Variants in JAZF1 observed in about 807,000 individuals in gnomAD.
JAZF1 encodes the protein JAZF zinc finger 1, also known as juxtaposed with another zinc finger protein 1.
A neutral mutation model predicts 26.4 loss-of-function variants in JAZF1; 8 were observed. That is an observed-to-expected ratio of 0.30 (90% CI 0.18 to 0.55). JAZF1 has a LOEUF of 0.55. JAZF1 is among the 20% of genes least tolerant of loss of function. The probability of loss-of-function intolerance (pLI) is 0.94; values close to 1 mark genes in which losing one functional copy is unlikely to be tolerated. For missense variants in JAZF1, 199 were observed against 322.0 expected (o/e 0.62, Z 2.92); for synonymous variants, 126 against 122.3 (o/e 1.03, Z -0.20).
At chr7:28,122,255 T>C (rs370087596) in intron 1 of JAZF1, among the ~76,000 whole-genome samples, 2 of 152,212 alleles carry the variant, frequency 1.3e-5, no homozygotes, top group Non-Finnish European at 2.9e-5. Flanking sequence ...TCTTCTCTAA[T>C]GCGCTCCCAA....
At chr7:28,035,313 CAAAAAAAAAAAA>C (rs201602870) in intron 1 of JAZF1, among the ~76,000 whole-genome samples, 39 of 27,450 alleles carry the variant, frequency 1.4e-3, no homozygotes, top group Admixed American at 5.1e-3. Context: ...GACTCCATCT[CAAAAAAAAAAAA>C]AAAAAAAAAA....
intron 1 of JAZF1, among the ~76,000 whole-genome samples, chr7:28,068,258 T>C (rs1031517883): frequency 2.6e-5 from 4 of 151,080 alleles, no homozygotes; most frequent in Non-Finnish European, 4.4e-5. Flanking sequence ...TTTGTAGTAC[T>C]TTCAAGTGTG....
intron 1 of JAZF1, among the ~76,000 whole-genome samples, chr7:28,151,086 G>A (rs554786596): frequency 2.7e-3 from 381 of 138,698 alleles, no homozygotes; most frequent in Non-Finnish European, 4.6e-3. Context: ...TTGGGAGGGG[G>A]GATTTTCGAT....
rs535096138 is a variant in JAZF1 at position 27,859,752 on chromosome 7, A to G, written c.386-18885T>C. Among the ~76,000 whole-genome samples the G allele has an allele frequency of 2.0e-5, 3 of 152,296 alleles. No homozygotes were observed. In the East Asian group the frequency reaches 5.8e-4, roughly 29 times the overall value. Reference sequence around the variant, plus strand: ...GGGGCTAGGGGAGGGATAGCATTAGAAGAAATACCTAATGTAGATGACGGG... The same window carrying G: ...GGGGCTAGGGGAGGGATAGCATTAGGAGAAATACCTAATGTAGATGACGGG... On this transcript the variant is annotated intron_variant, in intron 3 of 4. Transcript: ENST00000283928.
intron 3 of JAZF1, chr7:27,842,430 C>T (rs1782939496): frequency 1.3e-5 from 2 of 152,224 alleles, no homozygotes; most frequent in Middle Eastern, 6.8e-3. Flanking sequence ...GTTGCTGGCT[C>T]TTCACCATTT....
intron 2 of JAZF1, among the ~76,000 whole-genome samples, chr7:27,913,020 T>C (rs1414650957): frequency 6.6e-6 from 1 of 151,878 alleles, no homozygotes; most frequent in East Asian, 1.9e-4. Flanking sequence ...GAACATGAGG[T>C]ATTTGTGAGG....
chr7:28,171,602 G>A (rs1394537966), intron 1 of JAZF1, among the ~76,000 whole-genome samples: 1 of 152,158 alleles, frequency 6.6e-6, no homozygotes, highest in African/African-American at 2.4e-5. Flanking sequence ...GAGAGGGGAA[G>A]ACCCATTAAA....
At chr7:27,939,925 C>T (rs999066151) in intron 2 of JAZF1, among the ~76,000 whole-genome samples, 1 of 152,154 alleles carries the variant, frequency 6.6e-6, no homozygotes, top group Non-Finnish European at 1.5e-5. Flanking sequence ...ATGTAAGTGA[C>T]CCTGCCGCTT....
At chr7:28,099,481 C>CT (rs1371161786) in intron 1 of JAZF1, among the ~76,000 whole-genome samples, 2 of 151,572 alleles carry the variant, frequency 1.3e-5, no homozygotes, top group East Asian at 1.9e-4. Context: ...CCTTTTAACT[C>CT]TTTTTTTCTT....
intron 2 of JAZF1, among the ~76,000 whole-genome samples, chr7:27,966,115 T>C (rs189853918): frequency 6.6e-6 from 1 of 152,328 alleles, no homozygotes; most frequent in East Asian, 1.9e-4. Flanking sequence ...CATCCCTTTT[T>C]AGCTGCAGAA....
In JAZF1 at chr7:27,997,925, A is replaced by T. The variant is rs548429785; in HGVS notation, c.116-5944T>A. ...AACAGTCAAGAAATTGTCTCTAGAC[A>T]TTGGAGGAAAAGTCTTAAACGTGAA... On this transcript the variant is annotated intron_variant, in intron 1 of 4. Transcript: ENST00000283928. Among the ~76,000 whole-genome samples the T allele has an allele frequency of 3.7e-4, 57 of 152,072 alleles. 1 individual carries two copies. The highest frequency in any genetic ancestry group is 1.4e-3 in the African/African-American group (56 of 41,478).
At chr7:27,874,778 G>A (rs1783646406) in intron 3 of JAZF1, among the ~76,000 whole-genome samples, 1 of 152,170 alleles carries the variant, frequency 6.6e-6, no homozygotes, top group Non-Finnish European at 1.5e-5. Flanking sequence ...GGGCTGGCTT[G>A]GCGTGGCACT....
chr7:27,947,717 T>C (rs544729497), intron 2 of JAZF1, among the ~76,000 whole-genome samples: 3 of 152,334 alleles, frequency 2.0e-5, no homozygotes, highest in African/African-American at 7.2e-5. Flanking sequence ...TGACATACTA[T>C]AATAAATTGC....
intron 1 of JAZF1, among the ~76,000 whole-genome samples, chr7:28,172,157 CTT>C (rs1783480292): frequency 6.6e-6 from 1 of 152,336 alleles, no homozygotes; most frequent in East Asian, 1.9e-4. Flanking sequence ...ATCACAATGA[CTT>C]ATATTCATAT....
chr7:28,125,549 G>A (rs1400089778), intron 1 of JAZF1, among the ~76,000 whole-genome samples: 2 of 152,184 alleles, frequency 1.3e-5, no homozygotes, highest in African/African-American at 4.8e-5. Flanking sequence ...TCCCTTAAAT[G>A]TTGATTATAG....
chr7:28,016,123 G>GT (rs1392593267), intron 1 of JAZF1, among the ~76,000 whole-genome samples: 1 of 152,182 alleles, frequency 6.6e-6, no homozygotes, highest in Non-Finnish European at 1.5e-5. Context: ...GACCAAGCCA[G>GT]TTGGCCATTT....
intron 2 of JAZF1, among the ~76,000 whole-genome samples, chr7:27,915,685 A>AT (rs1463677179): frequency 3.3e-5 from 5 of 152,362 alleles, no homozygotes; most frequent in African/African-American, 1.2e-4. Flanking sequence ...CAACATGCTC[A>AT]TCCAAAACAA....
chr7:27,905,565 T>G (rs1784241199), intron 2 of JAZF1, among the ~76,000 whole-genome samples: 1 of 151,354 alleles, frequency 6.6e-6, no homozygotes, highest in African/African-American at 2.4e-5. Flanking sequence ...TATTTTTTAT[T>G]TTTTTTCTTA....
rs745646688 is a variant in JAZF1 at position 27,832,883 on chromosome 7, TGTAACTCTTCCCACA to T, written c.634_648del (p.Cys212_Tyr216del). On this transcript the variant is annotated inframe_deletion, in exon 5 of 5. Coordinates refer to ENST00000283928, the MANE Select transcript of JAZF1 (RefSeq NM_175061.4). ...TGGTGCCGCAGGCCCTGAGCTGTCTTGTAACTCTTCCCACAGCGACACTTGAATGGTTTGCGGACA... is the reference window on the plus strand; with the variant it reads ...TGGTGCCGCAGGCCCTGAGCTGTCTTGCGACACTTGAATGGTTTGCGGACA... The T allele has an allele frequency of 6.2e-7, 1 of 1,613,624 alleles. No individual in the cohort carries two copies. Among genetic ancestry groups the T allele is most frequent in the South Asian group, 1.1e-5 (1 of 91,028 alleles).
Sources: gnomAD v4.1 joint callset for allele counts (sites outside exome capture counted in the v4.1 genomes callset) on GRCh38, gnomAD v4.1.1 for gene constraint, MANE v1.5 for transcripts, NCBI Gene and HGNC (gene_info 2026-07-23, HGNC 2026-07-21) for gene names.